The following NTM variants were observed in gnomAD, a reference collection of about 807,000 sequenced individuals.
NTM encodes the protein neurotrimin.
Under a neutral mutation model 42.1 loss-of-function variants are expected in NTM, and 13 were observed. The ratio of observed to expected loss-of-function variants is 0.31; its 90% CI spans 0.20 to 0.49. The LOEUF is 0.49. Among genes scored for constraint, NTM ranks in the 20% least tolerant of loss-of-function variants. The probability of loss-of-function intolerance (pLI) is 0.99; values close to 1 mark genes in which losing one functional copy is unlikely to be tolerated. For missense variants in NTM, 373 were observed against 452.8 expected, an observed-to-expected ratio of 0.82 and a Z score of 1.60; for synonymous variants, 187 against 179.2, an observed-to-expected ratio of 1.04 and a Z score of -0.35.
At position 131,792,430 on chromosome 11, in the gene NTM, G is replaced by GTGA. The variant is rs149822252; in HGVS notation, c.83-119133_83-119131dup. Among the ~76,000 whole-genome samples the GTGA allele has an allele frequency of 2.9e-3, 438 of 152,218 alleles. 6 individuals carry two copies. The highest frequency in any genetic ancestry group is 0.01 in the African/African-American group (416 of 41,518). Reference sequence around the variant, plus strand: ...CAGGTTTGAATTATTCCTGGTGGTGGTGACTCACCAGCCAAGCCGGGTTGG... The same window carrying GTGA: ...CAGGTTTGAATTATTCCTGGTGGTGGTGATGACTCACCAGCCAAGCCGGGTTGG... On this transcript the variant is annotated intron_variant, in intron 1 of 8. Transcript: ENST00000683400.
chr11:131,600,116 T>C (rs1186770496), intron 1 of NTM, among the ~76,000 whole-genome samples: 1 of 152,178 alleles, frequency 6.6e-6, no homozygotes, highest in Non-Finnish European at 1.5e-5. Flanking sequence ...AAATTATTAA[T>C]AACTGGGATG....
intron 4 of NTM, among the ~76,000 whole-genome samples, chr11:132,242,175 G>A (rs2090323132): frequency 6.6e-6 from 1 of 152,172 alleles, no homozygotes; most frequent in African/African-American, 2.4e-5. Context: ...TCAACTAGTG[G>A]AGCCTTCCCC....
In NTM at chr11:131,700,070, A is replaced by G. The variant is rs537220220; in HGVS notation, c.83-211494A>G. Among the ~76,000 whole-genome samples the G allele has an allele frequency of 5.9e-5, 9 of 152,204 alleles. No homozygotes were observed. The East Asian group carries it at 1.7e-3, about 29-fold the overall frequency. The stretch of plus-strand genomic sequence containing the variant: ...TAATTGTGAAGCTGGGAAATTATGC[A>G]TGTATAGTGATGTTGGGCACAAACT... On this transcript the variant is annotated intron_variant, in intron 1 of 8. Coordinates refer to ENST00000683400, the MANE Select transcript of NTM (RefSeq NM_001352005.2).
intron 1 of NTM, among the ~76,000 whole-genome samples, chr11:131,472,738 C>G (rs757932419): frequency 2.0e-4 from 30 of 152,052 alleles, no homozygotes; most frequent in Non-Finnish European, 4.0e-4. Context: ...CTTATAATAG[C>G]CCTCTGAGGT....
rs186754124 is a variant in NTM at position 131,733,479 on chromosome 11, C to T, written c.83-178085C>T. Among the ~76,000 whole-genome samples, 1,134 of 140,324 alleles carry T rather than the reference C, an allele frequency of 8.1e-3. 3 individuals carry two copies. The highest frequency in any genetic ancestry group is 0.014 in the Middle Eastern group (4 of 276). The allele number at this position is 140,324 out of a possible 152,430, so 92.1% of individuals were successfully genotyped here. A position where few individuals can be genotyped will look rare whatever the true frequency, so the allele number is the denominator to read the frequency against. On this transcript the variant is annotated intron_variant, in intron 1 of 8. Coordinates refer to ENST00000683400, the MANE Select transcript of NTM (RefSeq NM_001352005.2). ...CCTTCCTTCTTTCCTTCCTTCCTTC[C>T]TTCCTTCCTTCCTTCCTTCCTTCCT...
chr11:131,551,004 A>T (rs530479419), intron 1 of NTM, among the ~76,000 whole-genome samples: 1 of 151,956 alleles, frequency 6.6e-6, no homozygotes, highest in South Asian at 2.1e-4. Flanking sequence ...TTTGCATTTA[A>T]TTTTTTTTAA....
intron 2 of NTM, among the ~76,000 whole-genome samples, chr11:131,940,189 A>T (rs2059646261): frequency 6.6e-6 from 1 of 152,168 alleles, no homozygotes; most frequent in Non-Finnish European, 1.5e-5. Flanking sequence ...TAACCTGGAG[A>T]GTCTTGCTGG....
At chr11:131,933,393 T>C (rs2058851491) in intron 2 of NTM, among the ~76,000 whole-genome samples, 1 of 152,208 alleles carries the variant, frequency 6.6e-6, no homozygotes, top group Non-Finnish European at 1.5e-5. Flanking sequence ...ACCTTGTGTT[T>C]CAGCTGGGAG....
intron 1 of NTM, among the ~76,000 whole-genome samples, chr11:131,757,370 T>C (rs1447356129): frequency 3.3e-5 from 5 of 152,240 alleles, no homozygotes. Flanking sequence ...ACTGGAGTCA[T>C]GCATGGACTC....
intron 2 of NTM, among the ~76,000 whole-genome samples, chr11:132,104,539 C>T (rs954143761): frequency 5.3e-5 from 8 of 151,256 alleles, no homozygotes; most frequent in Non-Finnish European, 1.2e-4. Context: ...ATTGCTTGAG[C>T]CCAGGATTCC....
rs2067483833 is a variant in NTM, at chr11:131,993,941, T to C, written c.167+82293T>C. Among the ~76,000 whole-genome samples, 3 of 149,404 alleles carry C rather than the reference T, an allele frequency of 2.0e-5. No individual in the cohort carries two copies. The Admixed American group carries it at 2.0e-4, about 10-fold the overall frequency. On this transcript the variant is annotated intron_variant, in intron 2 of 8. Coordinates refer to ENST00000683400, the MANE Select transcript of NTM (RefSeq NM_001352005.2). ...TTGCTTGAACCTGGAAGGCAGAGGTTGCAGTGAGCTGAGATCATGCCATTG... is the reference window on the plus strand; with the variant it reads ...TTGCTTGAACCTGGAAGGCAGAGGTCGCAGTGAGCTGAGATCATGCCATTG...
chr11:131,597,277 C>A (rs1467597849), intron 1 of NTM, among the ~76,000 whole-genome samples: 1 of 152,130 alleles, frequency 6.6e-6, no homozygotes, highest in Non-Finnish European at 1.5e-5. Flanking sequence ...CTGTCTGTGG[C>A]ACTTGCTCTG....
At chr11:131,653,106 C>T (rs940800262) in intron 1 of NTM, among the ~76,000 whole-genome samples, 2 of 152,334 alleles carry the variant, frequency 1.3e-5, no homozygotes, top group African/African-American at 2.4e-5. Flanking sequence ...CACCAGGTTC[C>T]CATGGGTGTG....
At chr11:131,505,835 G>A (rs1436911937) in intron 1 of NTM, among the ~76,000 whole-genome samples, 3 of 152,196 alleles carry the variant, frequency 2.0e-5, no homozygotes, top group Non-Finnish European at 2.9e-5. Context: ...ACATGAGAAT[G>A]CAGGCTTCTG....
At chr11:131,770,157 T>G (rs888949151) in intron 1 of NTM, among the ~76,000 whole-genome samples, 1 of 152,222 alleles carries the variant, frequency 6.6e-6, no homozygotes, top group Non-Finnish European at 1.5e-5. Flanking sequence ...ATTTGTTTTA[T>G]TAAATCCTTT....
chr11:132,086,952 G>A (rs2059793474), intron 2 of NTM, among the ~76,000 whole-genome samples: 1 of 152,092 alleles, frequency 6.6e-6, no homozygotes, highest in Non-Finnish European at 1.5e-5. Context: ...GGACAGAGGA[G>A]TAAAAAAGAA....
intron 1 of NTM, among the ~76,000 whole-genome samples, chr11:131,864,006 A>C (rs1215398469): frequency 1.3e-5 from 2 of 152,032 alleles, no homozygotes; most frequent in Non-Finnish European, 2.9e-5. Context: ...TGTTGGCAGA[A>C]TAAGAAATGG....
At chr11:131,539,803 G>C (rs1318141251) in intron 1 of NTM, among the ~76,000 whole-genome samples, 2 of 152,198 alleles carry the variant, frequency 1.3e-5, no homozygotes, top group Non-Finnish European at 2.9e-5. Flanking sequence ...GTGCACTGCA[G>C]GAGGTTGAAC....
chr11:132,231,786 T>A (rs571315548), intron 4 of NTM, among the ~76,000 whole-genome samples: 1 of 152,314 alleles, frequency 6.6e-6, no homozygotes, highest in South Asian at 2.1e-4. Context: ...CCTACTTCCA[T>A]AAGAAAGTAA....
Sources: gnomAD v4.1 joint callset for allele counts (sites outside exome capture counted in the v4.1 genomes callset) on GRCh38, gnomAD v4.1.1 for gene constraint, MANE v1.5 for transcripts, NCBI Gene and HGNC (gene_info 2026-07-23, HGNC 2026-07-21) for gene names.